CNTN4: variants seen among roughly 807,000 people sequenced by gnomAD.
The protein encoded by CNTN4 is contactin-4.
Under a neutral mutation model 122.5 loss-of-function variants are expected in CNTN4, and 77 were observed. The ratio of observed to expected loss-of-function variants is 0.63; its 90% CI spans 0.52 to 0.76. CNTN4 has a LOEUF of 0.76. Ranked by LOEUF, CNTN4 falls within the 30% of genes least tolerant of loss-of-function variation. CNTN4 has a pLI of 0.00. For synonymous variants in CNTN4, 512 were observed against 447.0 expected, an observed-to-expected ratio of 1.15 and a Z score of -1.83; for missense variants, 1,256 against 1,259.1, an observed-to-expected ratio of 1.00 and a Z score of 0.04.
At chr3:2,854,625 A>G (rs1030635012) in intron 7 of CNTN4, among the ~76,000 whole-genome samples, 1 of 152,104 alleles carries the variant, frequency 6.6e-6, no homozygotes, top group Non-Finnish European at 1.5e-5. Flanking sequence ...TGTGCTCGTG[A>G]TTTAAATGTC....
chr3:2,110,086 G>A (rs1009276513), intron 2 of CNTN4, among the ~76,000 whole-genome samples: 7 of 152,014 alleles, frequency 4.6e-5, no homozygotes, highest in Non-Finnish European at 8.8e-5. Context: ...GGTGACTAAA[G>A]ATAATTTACT....
At position 2,976,583 on chromosome 3, in the gene CNTN4, A is replaced by G. The variant is rs892388707; in HGVS notation, c.1359-11762A>G. ...TTACCCCGGGAGGAGGTGTCTTCCT[A>G]TTGACCTACATTAAATTTGTTATCC... On this transcript the variant is annotated intron_variant, in intron 13 of 24. Transcript: ENST00000418658. Among the ~76,000 whole-genome samples, 8 of 152,270 alleles carry G rather than the reference A, an allele frequency of 5.3e-5. No individual in the cohort carries two copies. In the South Asian group the frequency reaches 1.5e-3, roughly 28 times the overall value.
chr3:2,583,629 A>G (rs1450936230), intron 4 of CNTN4, among the ~76,000 whole-genome samples: 1 of 152,244 alleles, frequency 6.6e-6, no homozygotes, highest in Admixed American at 6.5e-5. Flanking sequence ...GGCAAAGAAT[A>G]TTTGTAGAAG....
rs552355927 is a variant in CNTN4 at position 2,920,394 on chromosome 3, C to A, written c.1208-5235C>A. 4.0e-5 allele frequency among the ~76,000 whole-genome samples: 6 copies of A among 150,550 alleles called. No homozygotes were observed. The South Asian group carries it at 1.3e-3, about 32-fold the overall frequency. On this transcript the variant is annotated intron_variant, in intron 12 of 24. Transcript: ENST00000418658. Reference sequence around the variant, plus strand: ...GTTCCCTATCTCAGTTTCCATGGTGCTTTTGCCCAGTCTACATGTGTGATA... The same window carrying A: ...GTTCCCTATCTCAGTTTCCATGGTGATTTTGCCCAGTCTACATGTGTGATA...
At position 2,270,041 on chromosome 3, in the gene CNTN4, C is replaced by T. The variant is rs2041219969; in HGVS notation, c.-144-69137C>T. Among the ~76,000 whole-genome samples the T allele has an allele frequency of 4.1e-5, 4 of 97,208 alleles. 1 individual carries two copies. In the South Asian group the frequency reaches 1.9e-3, roughly 46 times the overall value. 63.8% of individuals were successfully genotyped at this position (97,208 alleles called of 152,430 possible). On this transcript the variant is annotated intron_variant, in intron 2 of 24. Coordinates refer to ENST00000418658, the MANE Select transcript of CNTN4 (RefSeq NM_175607.3). ...CTCGGCTCACTGCAAGCTCCGCTTC[C>T]CGGGTTCACGCCATTCTCCTGCCTC...
intron 8 of CNTN4, 63 bp downstream of exon 8, chr3:2,867,012 G>A: frequency 1.4e-6 from 2 of 1,385,494 alleles, no homozygotes; most frequent in Non-Finnish European, 2.0e-6. Flanking sequence ...GTGGAGGTAT[G>A]TTATGTTGTT....
At chr3:2,498,989 C>T (rs1575775774) in intron 3 of CNTN4, among the ~76,000 whole-genome samples, 1 of 152,010 alleles carries the variant, frequency 6.6e-6, no homozygotes, top group Non-Finnish European at 1.5e-5. Flanking sequence ...AGGGTTTCAA[C>T]ATGTTGGCCA....
intron 7 of CNTN4, among the ~76,000 whole-genome samples, chr3:2,854,337 A>G (rs192362603): frequency 7.1e-6 from 1 of 141,822 alleles, no homozygotes; most frequent in African/African-American, 2.6e-5. Flanking sequence ...CAGTGGCACA[A>G]TCTCGGCTCA....
chr3:3,024,226 CA>C (rs1698525488), intron 14 of CNTN4, among the ~76,000 whole-genome samples: 5 of 151,910 alleles, frequency 3.3e-5, no homozygotes, highest in African/African-American at 9.7e-5. Context: ...AAATAAAACC[CA>C]TAGAGGTATA....
chr3:2,156,064 G>T (rs1337873027), intron 2 of CNTN4, among the ~76,000 whole-genome samples: 2 of 152,154 alleles, frequency 1.3e-5, no homozygotes, highest in African/African-American at 4.8e-5. Flanking sequence ...TTTATATGAG[G>T]TTTTCCCCTG....
At chr3:2,353,658 G>A (rs774880010) in intron 3 of CNTN4, among the ~76,000 whole-genome samples, 1 of 152,116 alleles carries the variant, frequency 6.6e-6, no homozygotes. Flanking sequence ...AACACTCACC[G>A]TGAGGGTCTG....
chr3:2,932,343 A>T (rs570513814), intron 13 of CNTN4, among the ~76,000 whole-genome samples: 2 of 152,298 alleles, frequency 1.3e-5, no homozygotes, highest in Admixed American at 6.5e-5. Flanking sequence ...GCACCACTGC[A>T]CTCCAGCCTG....
intron 4 of CNTN4, among the ~76,000 whole-genome samples, chr3:2,630,569 A>T (rs2082386089): frequency 6.6e-6 from 1 of 152,130 alleles, no homozygotes; most frequent in Non-Finnish European, 1.5e-5. Flanking sequence ...ATACATTCCC[A>T]TTTCTTATTA....
intron 4 of CNTN4, among the ~76,000 whole-genome samples, chr3:2,639,817 T>G (rs1240066365): frequency 6.6e-6 from 1 of 152,226 alleles, no homozygotes; most frequent in Non-Finnish European, 1.5e-5. Flanking sequence ...CTATCTGGCC[T>G]TGTACAGATA....
chr3:2,706,313 T>G (rs139752965), intron 4 of CNTN4, among the ~76,000 whole-genome samples: 23 of 152,210 alleles, frequency 1.5e-4, no homozygotes, highest in Non-Finnish European at 2.2e-4. Flanking sequence ...CCACTCAGAC[T>G]ACACTCCATT....
chr3:2,698,064 TCTCA>T (rs1418463311), intron 4 of CNTN4, among the ~76,000 whole-genome samples: 13 of 152,182 alleles, frequency 8.5e-5, no homozygotes, highest in Admixed American at 8.5e-4. Flanking sequence ...AAATTAATCA[TCTCA>T]CTCCTAAATG....
intron 4 of CNTN4, among the ~76,000 whole-genome samples, chr3:2,663,723 A>T (rs1018526775): frequency 2.0e-5 from 3 of 152,206 alleles, no homozygotes; most frequent in African/African-American, 7.2e-5. Context: ...AGAATTTTTT[A>T]AAACAAGGTA....
intron 6 of CNTN4, among the ~76,000 whole-genome samples, chr3:2,782,012 C>T (rs183083043): frequency 6.6e-6 from 1 of 151,878 alleles, no homozygotes; most frequent in African/African-American, 2.4e-5. Context: ...CATGAGCCAC[C>T]GGTAAATTTA....
chr3:2,444,058 C>A lies in CNTN4; in HGVS notation c.-89+104825C>A, dbSNP rs562663876. Among the ~76,000 whole-genome samples the A allele has an allele frequency of 1.3e-5, 2 of 152,080 alleles. 1 individual carries two copies. Among genetic ancestry groups the A allele is most frequent in the South Asian group, 4.1e-4 (2 of 4,822 alleles). ...ACTCCTCTGGGAGCATTTATCTTTCCTTCATGGCAATGTAATTTTGTATAT... is the reference window on the plus strand; with the variant it reads ...ACTCCTCTGGGAGCATTTATCTTTCATTCATGGCAATGTAATTTTGTATAT... On this transcript the variant is annotated intron_variant, in intron 3 of 24. Coordinates refer to ENST00000418658, the MANE Select transcript of CNTN4 (RefSeq NM_175607.3).
Sources: gnomAD v4.1 joint callset for allele counts (sites outside exome capture counted in the v4.1 genomes callset) on GRCh38, gnomAD v4.1.1 for gene constraint, MANE v1.5 for transcripts, NCBI Gene and HGNC (gene_info 2026-07-23, HGNC 2026-07-21) for gene names.